Variants in DNAH17 observed in about 807,000 individuals in gnomAD.
DNAH17 encodes dynein axonemal heavy chain 17, also known as axonemal beta dynein heavy chain 17.
Under a neutral mutation model 485.6 loss-of-function variants are expected in DNAH17, and 376 were observed. The observed-to-expected ratio is 0.77, with a 90% CI of 0.71 to 0.84. DNAH17 has a LOEUF of 0.84. Among genes scored for constraint, DNAH17 ranks in the 40% least tolerant of loss-of-function variants. DNAH17 has a pLI of 0.00. For missense variants in DNAH17, 6,370 were observed against 5,839.3 expected (o/e 1.09, Z -2.96); for synonymous variants, 3,031 against 2,405.9 (o/e 1.26, Z -7.60).
In DNAH17 at chr17:78,572,703, C is replaced by A. The variant is rs1278029670; in HGVS notation, c.537G>T (p.Glu179Asp). Residue 179 changes from glutamate to aspartate, a missense_variant and splice_region_variant, in exon 3 of 81, where the codon GAG becomes GAT. Glu to Asp is a conservative substitution (Grantham distance 45). Transcript: ENST00000389840. ...GSLDGTLESM[E>D]RIPSSLDNLL... ...CGGAAGCAGCTGGGCCCACACACCT[C>A]TCCATGGACTCCAGCGTGCCATCCA... 1.2e-6 allele frequency: 2 copies of A among 1,602,346 alleles called. No homozygotes were observed. Among genetic ancestry groups the A allele is most frequent in the African/African-American group, 2.7e-5 (2 of 74,772 alleles).
chr17:78,481,563 G>A (rs186836227), intron 48 of DNAH17, among the ~76,000 whole-genome samples: 1 of 152,220 alleles, frequency 6.6e-6, no homozygotes, highest in African/African-American at 2.4e-5. Context: ...TAACATCTCT[G>A]TGCCTTAATA....
At chr17:78,500,033 T>G in intron 36 of DNAH17, 2 of 403,854 alleles carry the variant, frequency 5.0e-6, no homozygotes, top group Non-Finnish European at 9.0e-6. Context: ...TTCGGGGCAA[T>G]CTTAACAACT....
At chr17:78,555,032 C>T (rs575880357) in intron 14 of DNAH17, among the ~76,000 whole-genome samples, 1 of 152,314 alleles carries the variant, frequency 6.6e-6, no homozygotes, top group South Asian at 2.1e-4. Context: ...CAGGCATGAG[C>T]CACTGCGCCC....
chr17:78,575,017 TC>T lies in DNAH17; in HGVS notation c.40del (p.Glu14LysfsTer7). 1 of 1,613,966 alleles carries T rather than the reference TC, an allele frequency of 6.2e-7. No homozygotes were observed. The highest frequency in any genetic ancestry group is 8.5e-7 in the Non-Finnish European group (1 of 1,179,872). On this transcript the variant is annotated frameshift_variant, in exon 2 of 81. Transcript: ENST00000389840. LOFTEE classifies it high-confidence loss of function. Reference sequence around the variant, plus strand: ...GAACTTCAGGACGATGGAGGCAACTTCCTCCAGATACTCTAGTCTGACGTCC... The same window carrying T: ...GAACTTCAGGACGATGGAGGCAACTTCTCCAGATACTCTAGTCTGACGTCC... ...APDVRLEYLEEVASIVLKFKP... is the reference protein window; with the variant it reads ...APDVRLEYLEXVASIVLKFKP...
chr17:78,459,873 C>T lies in DNAH17; in HGVS notation c.9564G>A (p.Lys3188=), dbSNP rs758610200. 1.9e-6 allele frequency: 3 copies of T among 1,613,936 alleles called. No individual in the cohort carries two copies. The highest frequency in any genetic ancestry group is 1.1e-5 in the South Asian group (1 of 91,092). The change falls in exon 60 of 81, where the codon AAG becomes AAA. Residue 3188 remains lysine (K), a synonymous_variant. Transcript: ENST00000389840. ...AGGTGTCCACCTTGCCCATCATGATCTTGGCCGCCTTCCAGCTCTTGTCCT... is the reference window on the plus strand; with the variant it reads ...AGGTGTCCACCTTGCCCATCATGATTTTGGCCGCCTTCCAGCTCTTGTCCT... ...IPKDKSWKAA[K]IMMGKVDTFL...
chr17:78,559,892 G>A (rs1043904092), intron 13 of DNAH17, among the ~76,000 whole-genome samples: 1 of 151,858 alleles, frequency 6.6e-6, no homozygotes, highest in Non-Finnish European at 1.5e-5. Flanking sequence ...TTCTTTACCC[G>A]CATGCCGTGC....
In DNAH17 at chr17:78,463,060, G is replaced by A. The variant is rs747823789; in HGVS notation, c.8958C>T (p.Ser2986=). The part of the protein sequence containing the change: ...TEGIPWEVKA[S]ISFFMSYVHT... ...GCACGTAGGACATGAAGAAGCTGAT[G>A]GAGGCCTTGACTTCCCACTACAAAG... Residue 2986 remains serine (S), a synonymous_variant, in exon 57 of 81, where the codon TCC becomes TCT. Transcript: ENST00000389840. 5 of 1,613,762 alleles carry A rather than the reference G, an allele frequency of 3.1e-6. No homozygotes were observed. The highest frequency in any genetic ancestry group is 1.7e-5 in the Admixed American group (1 of 59,978).
At position 78,424,029 on chromosome 17, in the gene DNAH17, A is replaced by C. The variant is rs779721438; in HGVS notation, c.13266T>G (p.Tyr4422Ter). Residue 4422 changes from tyrosine (Y) to a stop codon, truncating the protein, a stop_gained, in exon 81 of 81, where the codon TAT becomes TAG. Transcript: ENST00000389840. LOFTEE classifies it high-confidence loss of function. ...TGCGTGTTTTGTACACGGGACACTC[A>C]TAGATGTTCTTGGTCTCCATGCGGT... ...PVDRMETKNI[Y>*]ECPVYKTRIR... 6.2e-7 allele frequency: 1 copy of C among 1,614,028 alleles called. No homozygotes were observed.
At chr17:78,534,042 G>C (rs538670452) in intron 19 of DNAH17, among the ~76,000 whole-genome samples, 1 of 152,172 alleles carries the variant, frequency 6.6e-6, no homozygotes, top group Non-Finnish European at 1.5e-5. Context: ...AGGAAGAGCC[G>C]GCCTTTCCCA....
intron 42 of DNAH17, among the ~76,000 whole-genome samples, chr17:78,492,237 A>G (rs561460547): frequency 6.6e-6 from 1 of 152,054 alleles, no homozygotes; most frequent in East Asian, 1.9e-4. Context: ...AAACCCAGTG[A>G]CGCCACCTCC....
chr17:78,549,046 T>C (rs962145443), intron 16 of DNAH17, among the ~76,000 whole-genome samples: 2 of 152,256 alleles, frequency 1.3e-5, no homozygotes, highest in Non-Finnish European at 1.5e-5. Context: ...TTAGTGATTA[T>C]TCTCCTTATA....
chr17:78,426,333 CAG>C (rs769101524), intron 79 of DNAH17, 122 bp downstream of exon 79: 17 of 1,229,742 alleles, frequency 1.4e-5, no homozygotes, highest in Non-Finnish European at 1.8e-5. Context: ...CCTGATCTGA[CAG>C]AGGACAGGCC....
chr17:78,439,984 G>A (rs1361760363), intron 72 of DNAH17, among the ~76,000 whole-genome samples: 1 of 150,976 alleles, frequency 6.6e-6, no homozygotes, highest in African/African-American at 2.4e-5. Flanking sequence ...TTTTTTTTGA[G>A]ACAGGGTCTC....
Position 78,435,941 on chromosome 17 carries a change from T to C in DNAH17, c.12033+1700A>G, listed in dbSNP as rs982067336. ...AGAACGGGGGACCTATTTTAAACATTTGTTTTTCTGCTTTTTCTTTTACTT... is the reference window on the plus strand; with the variant it reads ...AGAACGGGGGACCTATTTTAAACATCTGTTTTTCTGCTTTTTCTTTTACTT... On this transcript the variant is annotated intron_variant, in intron 74 of 80. Coordinates refer to ENST00000389840, the MANE Select transcript of DNAH17 (RefSeq NM_173628.4). Among the ~76,000 whole-genome samples the C allele has an allele frequency of 7.4e-4, 112 of 152,178 alleles. 1 individual carries two copies. The highest frequency in any genetic ancestry group is 2.1e-4 in the Non-Finnish European group (14 of 68,040).
intron 17 of DNAH17, among the ~76,000 whole-genome samples, chr17:78,543,326 C>G (rs1416523672): frequency 6.7e-6 from 1 of 149,136 alleles, no homozygotes; most frequent in Non-Finnish European, 1.5e-5. Context: ...CTCTGTCGCC[C>G]AAGCCGGACT....
intron 1 of DNAH17, among the ~76,000 whole-genome samples, chr17:78,575,353 G>A (rs577950668): frequency 1.1e-4 from 17 of 152,350 alleles, no homozygotes; most frequent in South Asian, 2.1e-4. Context: ...AAGTTCAGAG[G>A]ATGGGAAAGA....
At chr17:78,479,895 G>A (rs908180127) in intron 49 of DNAH17, among the ~76,000 whole-genome samples, 8 of 152,090 alleles carry the variant, frequency 5.3e-5, no homozygotes, top group Admixed American at 5.2e-4. Context: ...ACAGGCCTGG[G>A]TTTAAATCCA....
rs576584263 is a variant in DNAH17 at position 78,575,292 on chromosome 17, C to T, written c.-25-210G>A. ...CCCGGCCCCGCCATGGGGGGTGCCC[C>T]GGGAGTGAGGCTGCCCAAAAGTGGT... On this transcript the variant is annotated intron_variant, in intron 1 of 80. Transcript: ENST00000389840. Among the ~76,000 whole-genome samples, 9 of 152,268 alleles carry T rather than the reference C, an allele frequency of 5.9e-5. 1 individual carries two copies. The highest frequency in any genetic ancestry group is 1.2e-4 in the African/African-American group (5 of 41,550).
chr17:78,503,755 C>T (rs1019622789), intron 31 of DNAH17, among the ~76,000 whole-genome samples: 1 of 151,922 alleles, frequency 6.6e-6, no homozygotes, highest in African/African-American at 2.4e-5. Context: ...CACCTGAGGT[C>T]AGGAGTTCAA....
Sources: gnomAD v4.1 joint callset for allele counts (sites outside exome capture counted in the v4.1 genomes callset) on GRCh38, gnomAD v4.1.1 for gene constraint, MANE v1.5 for transcripts, NCBI Gene and HGNC (gene_info 2026-07-23, HGNC 2026-07-21) for gene names.